Variants in MGMT observed in about 807,000 individuals in gnomAD.
The protein encoded by MGMT is O-6-methylguanine-DNA methyltransferase, also known as methylated-DNA--protein-cysteine methyltransferase.
In MGMT, 14 loss-of-function variants were observed where a neutral mutation model predicts 15.9. The observed-to-expected ratio is 0.88, with a 90% CI of 0.58 to 1.37. MGMT has a LOEUF of 1.37. Ranked by LOEUF, MGMT falls within the 40% of genes most tolerant of loss-of-function variation. The probability of loss-of-function intolerance (pLI) is 0.00; values close to 1 mark genes in which losing one functional copy is unlikely to be tolerated. For missense variants in MGMT, 282 were observed against 268.1 expected (o/e 1.05, Z -0.36); for synonymous variants, 130 against 118.2 (o/e 1.10, Z -0.65).
chr10:129,668,294 A>AG (rs2133110564), intron 2 of MGMT, among the ~76,000 whole-genome samples: 1 of 152,228 alleles, frequency 6.6e-6, no homozygotes, highest in African/African-American at 2.4e-5. Context: ...TAAAAAAAAA[A>AG]AAAGAATAAC....
chr10:129,628,395 G>A (rs996282908), intron 2 of MGMT, among the ~76,000 whole-genome samples: 4 of 152,222 alleles, frequency 2.6e-5, no homozygotes, highest in Admixed American at 2.6e-4. Flanking sequence ...GTTTGAAGCA[G>A]GGCGTTTTGT....
intron 2 of MGMT, among the ~76,000 whole-genome samples, chr10:129,614,501 G>A (rs975849681): frequency 5.1e-5 from 6 of 117,522 alleles, no homozygotes; most frequent in South Asian, 2.9e-4. Flanking sequence ...GCCCTGACAC[G>A]TGCTCGGCGG....
intron 2 of MGMT, among the ~76,000 whole-genome samples, chr10:129,561,402 A>G (rs967612350): frequency 6.6e-6 from 1 of 152,010 alleles, no homozygotes; most frequent in East Asian, 1.9e-4. Flanking sequence ...ACCCCAGACG[A>G]GGGGAGCAGA....
At chr10:129,560,980 T>C (rs1315391079) in intron 2 of MGMT, among the ~76,000 whole-genome samples, 8 of 126,710 alleles carry the variant, frequency 6.3e-5, no homozygotes, top group South Asian at 3.4e-4. Context: ...TGTGTGTGTG[T>C]GTGTGTGTGT....
chr10:129,751,624 T>G (rs1452451719), intron 3 of MGMT, among the ~76,000 whole-genome samples: 1 of 151,938 alleles, frequency 6.6e-6, no homozygotes, highest in Non-Finnish European at 1.5e-5. Context: ...AGACCTTTCT[T>G]TTTTAATATA....
At chr10:129,581,775 T>A (rs946363590) in intron 2 of MGMT, among the ~76,000 whole-genome samples, 1 of 152,230 alleles carries the variant, frequency 6.6e-6, no homozygotes, top group Non-Finnish European at 1.5e-5. Flanking sequence ...GAGTTAGGTG[T>A]GGGCGTGAGC....
intron 2 of MGMT, among the ~76,000 whole-genome samples, chr10:129,665,593 T>G (rs936871539): frequency 5.3e-5 from 8 of 151,762 alleles, no homozygotes; most frequent in Non-Finnish European, 1.0e-4. Flanking sequence ...AGCAAATCAG[T>G]GGTAGCGAGG....
chr10:129,616,548 C>T (rs138827702), intron 2 of MGMT, among the ~76,000 whole-genome samples: 3 of 152,292 alleles, frequency 2.0e-5, no homozygotes, highest in Non-Finnish European at 4.4e-5. Flanking sequence ...CCGGCCAGGC[C>T]CCTGGATTAC....
intron 1 of MGMT, among the ~76,000 whole-genome samples, chr10:129,527,762 C>T (rs76986558): frequency 0.053 from 7,332 of 139,242 alleles, 260 homozygotes; most frequent in African/African-American, 0.1. Context: ...CTCGTTTCTC[C>T]GACTTCATCC....
rs549093761 is a variant in MGMT at position 129,756,435 on chromosome 10, T to C, written c.275-2767T>C. On this transcript the variant is annotated intron_variant, in intron 3 of 4. Transcript: ENST00000651593. ...CGGGGCTGCCCTCTGGGGAGGCCCA[T>C]GGTGAAAGAGAGAAGGCTGCTGGGG... 6.6e-5 allele frequency among the ~76,000 whole-genome samples: 10 copies of C among 152,254 alleles called. No homozygotes were observed. In the South Asian group the frequency reaches 2.1e-3, roughly 32 times the overall value.
At position 129,531,572 on chromosome 10, in the gene MGMT, G is replaced by A. The variant is rs535086410; in HGVS notation, c.-12-4669G>A. Among the ~76,000 whole-genome samples, 12 of 152,182 alleles carry A rather than the reference G, an allele frequency of 7.9e-5. 1 individual carries two copies. The highest frequency in any genetic ancestry group is 3.4e-3 in the Middle Eastern group (1 of 294). ...TCGCATCAGAGACGCTGCCGTGCTC[G>A]GTGGCCTGGGGCTTCTGTCCTGTAG... On this transcript the variant is annotated intron_variant, in intron 1 of 4. Transcript: ENST00000651593.
At chr10:129,766,561 C>T (rs752576240) in intron 4 of MGMT, among the ~76,000 whole-genome samples, 10 of 152,238 alleles carry the variant, frequency 6.6e-5, no homozygotes, top group East Asian at 3.8e-4. Flanking sequence ...TCAGGACACT[C>T]GTCCCTCCCC....
chr10:129,756,936 G>A (rs1481941992), intron 3 of MGMT, among the ~76,000 whole-genome samples: 1 of 152,210 alleles, frequency 6.6e-6, no homozygotes. Flanking sequence ...TAACAGCAAG[G>A]ATTGCCCTTC....
At chr10:129,573,569 G>GT (rs1846444421) in intron 2 of MGMT, among the ~76,000 whole-genome samples, 1 of 151,468 alleles carries the variant, frequency 6.6e-6, no homozygotes, top group Admixed American at 6.6e-5. Flanking sequence ...CTTTTTAAAT[G>GT]TTGTTTTTCA....
chr10:129,481,565 G>A (rs1240741568), intron 1 of MGMT, among the ~76,000 whole-genome samples: 2 of 152,138 alleles, frequency 1.3e-5, no homozygotes, highest in Non-Finnish European at 2.9e-5. Flanking sequence ...ATTTGTGTTT[G>A]AAGTTTTCTT....
At chr10:129,694,529 TG>T (rs1355901536) in intron 2 of MGMT, among the ~76,000 whole-genome samples, 6 of 152,188 alleles carry the variant, frequency 3.9e-5, no homozygotes, top group African/African-American at 1.4e-4. Flanking sequence ...GAGTAGAAAT[TG>T]GTGCTTCCTA....
rs748395709 is a variant in MGMT at position 129,492,390 on chromosome 10, A to C, written c.-13+25094A>C. 4.6e-5 allele frequency among the ~76,000 whole-genome samples: 7 copies of C among 152,184 alleles called. 1 individual carries two copies. Among genetic ancestry groups the C allele is most frequent in the Admixed American group, 1.3e-4 (2 of 15,286 alleles). On this transcript the variant is annotated intron_variant, in intron 1 of 4. Transcript: ENST00000651593. The stretch of plus-strand genomic sequence containing the variant: ...TGGGAGATGTGACTATGTGTGAAGC[A>C]GGCCCTTCTCTCTCTGTCTTTCCGC...
intron 2 of MGMT, among the ~76,000 whole-genome samples, chr10:129,684,668 A>G (rs1383134497): frequency 1.3e-5 from 2 of 152,220 alleles, no homozygotes; most frequent in Non-Finnish European, 2.9e-5. Context: ...TGAAGTTGAG[A>G]TGAGCACCAC....
At chr10:129,551,529 C>G (rs1034478823) in intron 2 of MGMT, among the ~76,000 whole-genome samples, 1 of 152,120 alleles carries the variant, frequency 6.6e-6, no homozygotes. Context: ...CCCGGGAGCC[C>G]TCATCCCCAG....
Sources: allele counts gnomAD v4.1 joint callset (sites outside exome capture counted in the v4.1 genomes callset), GRCh38; gene constraint gnomAD v4.1.1; transcripts MANE v1.5; gene names NCBI Gene and HGNC (gene_info 2026-07-23, HGNC 2026-07-21).